The following PHACTR1 variants were observed in gnomAD, a reference collection of about 807,000 sequenced individuals.
PHACTR1 encodes the protein RPEL repeat containing 1.
In PHACTR1, 16 loss-of-function variants were observed where a neutral mutation model predicts 69.2. The ratio of observed to expected loss-of-function variants is 0.23; its 90% CI spans 0.16 to 0.35. The LOEUF (loss-of-function observed/expected upper bound fraction) is 0.35. Among genes scored for constraint, PHACTR1 ranks in the 10% least tolerant of loss-of-function variants. The pLI is 1.00. For synonymous variants in PHACTR1, 312 were observed against 284.5 expected (o/e 1.10, Z -0.97); for missense variants, 510 against 734.7 (o/e 0.69, Z 3.54).
intron 5 of PHACTR1, among the ~76,000 whole-genome samples, chr6:13,132,456 T>C (rs1820611599): frequency 6.6e-6 from 1 of 152,200 alleles, no homozygotes; most frequent in African/African-American, 2.4e-5. Context: ...CTGTCCTCCA[T>C]GTCTTGCCCG....
At chr6:12,933,085 G>A (rs1275666884) in intron 4 of PHACTR1, among the ~76,000 whole-genome samples, 5 of 151,846 alleles carry the variant, frequency 3.3e-5, no homozygotes, top group Admixed American at 2.6e-4. Context: ...ACAGGCACGC[G>A]CCACCAAGCC....
At chr6:13,244,354 G>A (rs983992359) in intron 10 of PHACTR1, among the ~76,000 whole-genome samples, 6 of 152,106 alleles carry the variant, frequency 3.9e-5, no homozygotes, top group Non-Finnish European at 5.9e-5. Flanking sequence ...ATGAAGTTTC[G>A]GGCACCATTG....
chr6:13,053,545 C>T lies in PHACTR1; in HGVS notation c.415+16C>T, dbSNP rs1305907932. 1 of 1,609,128 alleles carries T rather than the reference C, an allele frequency of 6.2e-7. No individual in the cohort carries two copies. The highest frequency in any genetic ancestry group is 1.3e-5 in the African/African-American group (1 of 74,900). ...ACGTCAGCAGGTAAGATGATTTGTTCTTTCATTTCCCATTTGGTGTTTGTT... is the reference window on the plus strand; with the variant it reads ...ACGTCAGCAGGTAAGATGATTTGTTTTTTCATTTCCCATTTGGTGTTTGTT... On this transcript the variant is annotated intron_variant, in intron 5 of 14. Transcript: ENST00000332995.
At chr6:12,915,521 GAAAA>G (rs1047244375) in intron 4 of PHACTR1, among the ~76,000 whole-genome samples, 5 of 120,262 alleles carry the variant, frequency 4.2e-5, no homozygotes, top group African/African-American at 1.3e-4. Flanking sequence ...AAAAAAAAAA[GAAAA>G]AAAAAAAAAA....
intron 4 of PHACTR1, among the ~76,000 whole-genome samples, chr6:12,936,984 T>G (rs1789528138): frequency 6.6e-6 from 1 of 152,182 alleles, no homozygotes; most frequent in Non-Finnish European, 1.5e-5. Context: ...TATTTCCAAG[T>G]TTCCAAAACT....
intron 5 of PHACTR1, among the ~76,000 whole-genome samples, chr6:13,080,604 C>T (rs1811218309): frequency 1.3e-5 from 2 of 152,128 alleles, no homozygotes; most frequent in South Asian, 2.1e-4. Flanking sequence ...GGTTTTGTCA[C>T]CTTCTGTGGC....
At chr6:12,957,734 G>A (rs1792081756) in intron 4 of PHACTR1, 1 of 985,430 alleles carries the variant, frequency 1.0e-6, no homozygotes, top group Admixed American at 6.1e-5. Flanking sequence ...TGCCAGATGG[G>A]TGGCCACCTA....
intron 4 of PHACTR1, among the ~76,000 whole-genome samples, chr6:13,039,078 G>A (rs901054494): frequency 1.3e-5 from 2 of 152,116 alleles, no homozygotes; most frequent in African/African-American, 4.8e-5. Context: ...CTTTTAGTAG[G>A]GCAAAAAATC....
chr6:13,026,691 A>C (rs1380298432), intron 4 of PHACTR1, among the ~76,000 whole-genome samples: 2 of 152,086 alleles, frequency 1.3e-5, no homozygotes, highest in African/African-American at 4.8e-5. Context: ...TAGCCCTTTC[A>C]TCTCAAGGTG....
intron 4 of PHACTR1, among the ~76,000 whole-genome samples, chr6:12,899,757 A>G (rs1785007001): frequency 6.6e-6 from 1 of 152,212 alleles, no homozygotes; most frequent in African/African-American, 2.4e-5. Context: ...ATGAGAAGGA[A>G]TTGTTGAGGA....
At chr6:12,852,059 T>G (rs1037651918) in intron 4 of PHACTR1, among the ~76,000 whole-genome samples, 3 of 152,164 alleles carry the variant, frequency 2.0e-5, no homozygotes, top group Non-Finnish European at 2.9e-5. Context: ...GGTCTCAAAC[T>G]CCTGACCTCA....
chr6:12,778,987 C>G (rs926105559), intron 4 of PHACTR1, among the ~76,000 whole-genome samples: 2 of 152,298 alleles, frequency 1.3e-5, no homozygotes, highest in African/African-American at 4.8e-5. Context: ...TGGCTCAGTG[C>G]CCTCGTGATA....
At chr6:12,926,727 A>G (rs189295441) in intron 4 of PHACTR1, among the ~76,000 whole-genome samples, 327 of 152,336 alleles carry the variant, frequency 2.1e-3, no homozygotes, top group Middle Eastern at 3.4e-3. Flanking sequence ...TTATAGAGTG[A>G]CTTTCTCTTC....
At chr6:13,174,066 T>C (rs1423749795) in intron 6 of PHACTR1, among the ~76,000 whole-genome samples, 1 of 152,014 alleles carries the variant, frequency 6.6e-6, no homozygotes, top group Non-Finnish European at 1.5e-5. Flanking sequence ...CATATATCAA[T>C]GTCAAAAAAG....
chr6:12,867,306 G>A (rs1030459476), intron 4 of PHACTR1, among the ~76,000 whole-genome samples: 1 of 152,266 alleles, frequency 6.6e-6, no homozygotes, highest in Middle Eastern at 3.4e-3. Context: ...AGGAGGCAAG[G>A]GAGAGTTGAA....
chr6:13,184,171 C>T (rs1368665182), intron 7 of PHACTR1, among the ~76,000 whole-genome samples: 1 of 152,236 alleles, frequency 6.6e-6, no homozygotes, highest in African/African-American at 2.4e-5. Flanking sequence ...CAGCGCCGGG[C>T]ACTCCAGAAC....
chr6:12,781,014 A>G (rs974148789), intron 4 of PHACTR1, among the ~76,000 whole-genome samples: 1 of 152,198 alleles, frequency 6.6e-6, no homozygotes, highest in Non-Finnish European at 1.5e-5. Context: ...TTTGGCAGTC[A>G]TACTATTCTC....
At chr6:13,271,580 G>GT (rs1777733834) in intron 10 of PHACTR1, among the ~76,000 whole-genome samples, 2 of 151,916 alleles carry the variant, frequency 1.3e-5, no homozygotes, top group Non-Finnish European at 2.9e-5. Flanking sequence ...ATAAAATGGC[G>GT]TAGTATTTGC....
At chr6:13,075,421 A>C (rs1810283118) in intron 5 of PHACTR1, among the ~76,000 whole-genome samples, 1 of 152,170 alleles carries the variant, frequency 6.6e-6, no homozygotes, top group African/African-American at 2.4e-5. Flanking sequence ...CAAGAAGCTG[A>C]TCCCTTGAGT....
Sources: allele counts gnomAD v4.1 joint callset (sites outside exome capture counted in the v4.1 genomes callset), GRCh38; gene constraint gnomAD v4.1.1; transcripts MANE v1.5; gene names NCBI Gene and HGNC (gene_info 2026-07-23, HGNC 2026-07-21).